Variants in RNLS observed in about 807,000 individuals in gnomAD.
The protein encoded by RNLS is renalase, FAD dependent amine oxidase, also known as renalase.
RNLS carries 39 observed loss-of-function variants against 39.8 expected under a neutral mutation model. That is an observed-to-expected ratio of 0.98 (90% confidence interval 0.76 to 1.28). RNLS has a LOEUF of 1.28. Among genes scored for constraint, RNLS ranks in the 50% most tolerant of loss-of-function variants. The probability of loss-of-function intolerance (pLI) is 0.00; values close to 1 mark genes in which losing one functional copy is unlikely to be tolerated. For synonymous variants in RNLS, 147 were observed against 150.7 expected (o/e 0.98, Z 0.18); for missense variants, 410 against 413.3 (o/e 0.99, Z 0.07).
intron 4 of RNLS, among the ~76,000 whole-genome samples, chr10:88,472,692 C>T (rs971503378): frequency 6.6e-6 from 1 of 152,116 alleles, no homozygotes; most frequent in Non-Finnish European, 1.5e-5. Flanking sequence ...TTATTAAGTA[C>T]CAAACTATTT....
the RNLS span, among the ~76,000 whole-genome samples, chr10:88,188,208 C>T: frequency 6.6e-6 from 1 of 152,134 alleles, no homozygotes; most frequent in Non-Finnish European, 1.5e-5. Context: ...AAGTGTGGGC[C>T]ACCACACCCA....
chr10:88,352,233 T>C (rs1848771457), intron 5 of RNLS, among the ~76,000 whole-genome samples: 1 of 152,170 alleles, frequency 6.6e-6, no homozygotes, highest in African/African-American at 2.4e-5. Context: ...CTTCCAACAC[T>C]ATGTTGAATA....
At chr10:88,178,812 A>C in the RNLS span, among the ~76,000 whole-genome samples, 1 of 152,186 alleles carries the variant, frequency 6.6e-6, no homozygotes, top group Non-Finnish European at 1.5e-5. Flanking sequence ...TGGAGATCTT[A>C]TCAGGGGAGA....
At chr10:88,345,449 A>G (rs993577717) in intron 5 of RNLS, among the ~76,000 whole-genome samples, 7 of 152,186 alleles carry the variant, frequency 4.6e-5, no homozygotes, top group African/African-American at 1.7e-4. Context: ...TCAGGTAATA[A>G]GATATTGTTT....
At chr10:88,260,760 AAAT>A in the RNLS span, among the ~76,000 whole-genome samples, 1 of 152,220 alleles carries the variant, frequency 6.6e-6, no homozygotes. Context: ...ACTTTTTTTA[AAAT>A]AATAATTTCT....
chr10:88,215,855 A>G, the RNLS span, among the ~76,000 whole-genome samples: 1 of 151,970 alleles, frequency 6.6e-6, no homozygotes, highest in East Asian at 1.9e-4. Flanking sequence ...GCACGCCACC[A>G]TGCCAGGCTA....
At chr10:88,445,786 C>A (rs1297926911) in intron 4 of RNLS, among the ~76,000 whole-genome samples, 1 of 152,150 alleles carries the variant, frequency 6.6e-6, no homozygotes, top group Non-Finnish European at 1.5e-5. Context: ...TACATGCACC[C>A]AATACAGGAG....
chr10:88,332,856 C>CTAT (rs1317899844), intron 5 of RNLS, among the ~76,000 whole-genome samples: 1 of 152,132 alleles, frequency 6.6e-6, no homozygotes, highest in African/African-American at 2.4e-5. Context: ...TCCTAGGAAA[C>CTAT]TATGATGTAC....
chr10:88,281,753 A>G (rs963569950), downstream of RNLS, among the ~76,000 whole-genome samples: 3 of 152,190 alleles, frequency 2.0e-5, no homozygotes, highest in African/African-American at 7.2e-5. Flanking sequence ...TTCCAGCTTT[A>G]CATTTTAAGA....
chr10:88,517,921 T>C (rs563674835), intron 4 of RNLS, among the ~76,000 whole-genome samples: 1 of 152,068 alleles, frequency 6.6e-6, no homozygotes, highest in African/African-American at 2.4e-5. Context: ...CTAATGGTAT[T>C]AAAACATTAA....
At chr10:88,179,016 C>T in the RNLS span, among the ~76,000 whole-genome samples, 2 of 152,132 alleles carry the variant, frequency 1.3e-5, no homozygotes, top group Non-Finnish European at 2.9e-5. Flanking sequence ...CAAACAGACA[C>T]ACTTCAGCCT....
the RNLS span, among the ~76,000 whole-genome samples, chr10:88,215,090 C>A: frequency 1.3e-5 from 2 of 151,902 alleles, no homozygotes; most frequent in Non-Finnish European, 2.9e-5. Flanking sequence ...TTGGTTACAG[C>A]ACACATATGA....
intron 4 of RNLS, among the ~76,000 whole-genome samples, chr10:88,518,397 T>C (rs1039099502): frequency 6.6e-5 from 10 of 151,872 alleles, no homozygotes; most frequent in South Asian, 2.1e-4. Flanking sequence ...TACATCAATA[T>C]GAAAAAAAGG....
chr10:88,368,041 G>A (rs150616810), intron 4 of RNLS, among the ~76,000 whole-genome samples: 1 of 150,604 alleles, frequency 6.6e-6, no homozygotes, highest in East Asian at 1.9e-4. Flanking sequence ...ACACTTCTGT[G>A]TCCTGCTTAA....
the RNLS span, among the ~76,000 whole-genome samples, chr10:88,206,722 T>G: frequency 1.3e-5 from 2 of 152,128 alleles, no homozygotes; most frequent in African/African-American, 4.8e-5. Flanking sequence ...TCCCGAGAAC[T>G]CCAAGGAAGC....
At chr10:88,506,602 A>T (rs1454218257) in intron 4 of RNLS, among the ~76,000 whole-genome samples, 1 of 151,784 alleles carries the variant, frequency 6.6e-6, no homozygotes, top group Non-Finnish European at 1.5e-5. Flanking sequence ...ATATCTATAT[A>T]TAAGAAGAGA....
At chr10:88,502,700 G>T (rs535569187) in intron 4 of RNLS, among the ~76,000 whole-genome samples, 1 of 152,238 alleles carries the variant, frequency 6.6e-6, no homozygotes, top group African/African-American at 2.4e-5. Context: ...TGCTCTACAG[G>T]TGATTCTGTG....
At chr10:88,323,527 T>C (rs980272107) in intron 5 of RNLS, among the ~76,000 whole-genome samples, 2 of 152,126 alleles carry the variant, frequency 1.3e-5, no homozygotes, top group African/African-American at 2.4e-5. Context: ...CAGTAAATTA[T>C]GTGGGGGAAA....
At chr10:88,311,546 A>C (rs1018671994) in intron 6 of RNLS, among the ~76,000 whole-genome samples, 4 of 152,208 alleles carry the variant, frequency 2.6e-5, no homozygotes, top group Admixed American at 2.6e-4. Flanking sequence ...GGATGCACAG[A>C]AACAGCTCCC....
Sources: allele counts gnomAD v4.1 joint callset (sites outside exome capture counted in the v4.1 genomes callset), GRCh38; gene constraint gnomAD v4.1.1; transcripts MANE v1.5; gene names NCBI Gene and HGNC (gene_info 2026-07-23, HGNC 2026-07-21).